The following SCHIP1 variants were observed in gnomAD, a reference collection of about 807,000 sequenced individuals.
The protein encoded by SCHIP1 is schwannomin-interacting protein 1.
In SCHIP1, 8 loss-of-function variants were observed where a neutral mutation model predicts 29.7. The observed-to-expected ratio is 0.27, with a 90% CI of 0.16 to 0.49. SCHIP1 has a LOEUF of 0.49. Among genes scored for constraint, SCHIP1 ranks in the 20% least tolerant of loss-of-function variants. SCHIP1 has a pLI of 0.99. For synonymous variants in SCHIP1, 76 were observed against 94.9 expected, an observed-to-expected ratio of 0.80 and a Z score of 1.16; for missense variants, 193 against 294.6, an observed-to-expected ratio of 0.66 and a Z score of 2.52.
chr3:159,668,603 A>G, the SCHIP1 span, among the ~76,000 whole-genome samples: 1 of 152,160 alleles, frequency 6.6e-6, no homozygotes, highest in Non-Finnish European at 1.5e-5. Context: ...TCAAGATCAC[A>G]CGCTCTGCTG....
At chr3:159,744,001 A>T in the SCHIP1 span, among the ~76,000 whole-genome samples, 1 of 152,324 alleles carries the variant, frequency 6.6e-6, no homozygotes, top group Middle Eastern at 3.4e-3. Context: ...AACAGTATAT[A>T]TACTGTACTG....
chr3:159,812,338 C>T, the SCHIP1 span, among the ~76,000 whole-genome samples: 1 of 152,152 alleles, frequency 6.6e-6, no homozygotes, highest in African/African-American at 2.4e-5. Context: ...GTTATATGGA[C>T]TTTCTGATAC....
the SCHIP1 span, among the ~76,000 whole-genome samples, chr3:159,418,459 A>G: frequency 6.6e-6 from 1 of 152,226 alleles, no homozygotes; most frequent in African/African-American, 2.4e-5. Context: ...GCAGGTCACC[A>G]TCTAATTTTA....
At position 159,847,166 on chromosome 3, in the gene SCHIP1, G is replaced by A. The variant is rs116624297; in HGVS notation, c.30+6952G>A. Reference sequence around the variant, plus strand: ...AAAGGATGGTGGTGATGGGGGGTGGGAAGGAAATGGGGCATCTCTATGGAA... The same window carrying A: ...AAAGGATGGTGGTGATGGGGGGTGGAAAGGAAATGGGGCATCTCTATGGAA... On this transcript the variant is annotated intron_variant, in intron 1 of 6. Coordinates refer to ENST00000445224, the Ensembl canonical transcript of SCHIP1. Among the ~76,000 whole-genome samples, 1,137 of 152,238 alleles carry A rather than the reference G, an allele frequency of 7.5e-3. 12 individuals are homozygous for A. Among genetic ancestry groups the A allele is most frequent in the African/African-American group, 0.026 (1,095 of 41,536 alleles).
the SCHIP1 span, among the ~76,000 whole-genome samples, chr3:159,445,856 T>C: frequency 8.8e-6 from 1 of 113,310 alleles, no homozygotes; most frequent in Non-Finnish European, 1.6e-5. Flanking sequence ...AAGGGGAACA[T>C]CACACTCTGG....
the SCHIP1 span, among the ~76,000 whole-genome samples, chr3:159,623,046 C>A: frequency 1.3e-5 from 2 of 152,150 alleles, no homozygotes; most frequent in Non-Finnish European, 2.9e-5. Context: ...AGACTGAATA[C>A]CTTCCATTAG....
At chr3:159,738,716 A>G in the SCHIP1 span, among the ~76,000 whole-genome samples, 1 of 152,210 alleles carries the variant, frequency 6.6e-6, no homozygotes, top group Non-Finnish European at 1.5e-5. Flanking sequence ...GAGAGGAGAG[A>G]GAGAGACAAT....
At chr3:159,449,751 A>T in the SCHIP1 span, among the ~76,000 whole-genome samples, 1 of 152,170 alleles carries the variant, frequency 6.6e-6, no homozygotes, top group African/African-American at 2.4e-5. Flanking sequence ...TTAATTTCAA[A>T]CTAGAAATGG....
chr3:159,735,456 C>G, the SCHIP1 span, among the ~76,000 whole-genome samples: 3 of 152,080 alleles, frequency 2.0e-5, no homozygotes, highest in Admixed American at 1.3e-4. Context: ...TCTTGAACTC[C>G]TGACCTCAGG....
chr3:159,868,231 T>C (rs530099237), intron 2 of SCHIP1, among the ~76,000 whole-genome samples: 5 of 151,782 alleles, frequency 3.3e-5, no homozygotes, highest in Admixed American at 3.3e-4. Context: ...ACTCCAGATA[T>C]ATTTATATTA....
chr3:159,595,228 G>A, the SCHIP1 span, among the ~76,000 whole-genome samples: 1 of 152,134 alleles, frequency 6.6e-6, no homozygotes, highest in African/African-American at 2.4e-5. Flanking sequence ...TTCTCCAACT[G>A]TCCTCAAAAC....
intron 3 of SCHIP1, 121 bp from the exon 5 acceptor site, chr3:159,887,587 C>T (rs1243440214): frequency 1.9e-6 from 2 of 1,055,706 alleles, no homozygotes; most frequent in East Asian, 4.8e-5. Context: ...TAGCAAGTCA[C>T]ATTGAGGGAG....
chr3:159,655,265 A>T, the SCHIP1 span, among the ~76,000 whole-genome samples: 3 of 152,210 alleles, frequency 2.0e-5, no homozygotes, highest in Non-Finnish European at 4.4e-5. Flanking sequence ...TTGCATTTGC[A>T]TCTGTAAGTA....
chr3:159,564,706 T>A, the SCHIP1 span, among the ~76,000 whole-genome samples: 9 of 152,216 alleles, frequency 5.9e-5, no homozygotes, highest in Non-Finnish European at 1.2e-4. Flanking sequence ...CTGTAGATTA[T>A]TTTTGCCTGT....
chr3:159,884,826 G>C (rs1716806490), intron 2 of SCHIP1, among the ~76,000 whole-genome samples: 1 of 152,222 alleles, frequency 6.6e-6, no homozygotes, highest in Non-Finnish European at 1.5e-5. Context: ...CAGATGATCA[G>C]AGTGGGGTGT....
At chr3:159,278,075 A>C in the SCHIP1 span, among the ~76,000 whole-genome samples, 17 of 152,214 alleles carry the variant, frequency 1.1e-4, no homozygotes, top group Admixed American at 2.6e-4. Context: ...CAGAAGGGCT[A>C]TGTGATCTCT....
the SCHIP1 span, among the ~76,000 whole-genome samples, chr3:159,555,759 A>G: frequency 6.6e-6 from 1 of 152,150 alleles, no homozygotes; most frequent in African/African-American, 2.4e-5. Flanking sequence ...GAAAACTAAG[A>G]GCATGTTGCT....
chr3:159,594,966 C>T, the SCHIP1 span, among the ~76,000 whole-genome samples: 20 of 152,196 alleles, frequency 1.3e-4, no homozygotes, highest in Non-Finnish European at 1.9e-4. Context: ...GCCCCAAATC[C>T]CCCAATTTCT....
chr3:159,625,463 A>G, the SCHIP1 span, among the ~76,000 whole-genome samples: 1 of 152,232 alleles, frequency 6.6e-6, no homozygotes, highest in African/African-American at 2.4e-5. Context: ...TCAAGAGCCC[A>G]AAGTAACAGC....
Sources: allele counts gnomAD v4.1 joint callset (sites outside exome capture counted in the v4.1 genomes callset), GRCh38; gene constraint gnomAD v4.1.1; transcripts MANE v1.5; gene names NCBI Gene and HGNC (gene_info 2026-07-23, HGNC 2026-07-21).